Variants in PDZRN4 observed in about 807,000 individuals in gnomAD.
PDZRN4 encodes PDZ domain containing ring finger 4.
PDZRN4 carries 70 observed loss-of-function variants against 99.0 expected under a neutral mutation model. The ratio of observed to expected loss-of-function variants is 0.71; its 90% CI spans 0.58 to 0.86. The LOEUF (loss-of-function observed/expected upper bound fraction) is 0.86, where lower values mean the gene tolerates loss of function less well. Among genes scored for constraint, PDZRN4 ranks in the 40% least tolerant of loss-of-function variants. The pLI, the probability that PDZRN4 is intolerant of heterozygous loss-of-function variation, is 0.00. For missense variants in PDZRN4, 1,474 were observed against 1,331.2 expected, an observed-to-expected ratio of 1.11 and a Z score of -1.67; for synonymous variants, 551 against 501.6, an observed-to-expected ratio of 1.10 and a Z score of -1.32.
At chr12:41,374,367 G>A (rs1952064421) in intron 3 of PDZRN4, among the ~76,000 whole-genome samples, 1 of 152,118 alleles carries the variant, frequency 6.6e-6, no homozygotes, top group African/African-American at 2.4e-5. Flanking sequence ...CAGTCAGCAG[G>A]GATAGTGACA....
chr12:41,277,236 G>A (rs761984836), intron 3 of PDZRN4, among the ~76,000 whole-genome samples: 4 of 152,142 alleles, frequency 2.6e-5, no homozygotes, highest in South Asian at 4.1e-4. Flanking sequence ...GGCAGAGTAC[G>A]CAAGCATCTG....
chr12:41,257,608 GA>G (rs1258180893), intron 3 of PDZRN4, among the ~76,000 whole-genome samples: 1 of 152,184 alleles, frequency 6.6e-6, no homozygotes, highest in African/African-American at 2.4e-5. Context: ...TGGAAGTGCA[GA>G]AAGCCTTTGG....
chr12:41,220,161 C>T (rs745603143), intron 3 of PDZRN4, among the ~76,000 whole-genome samples: 2 of 152,104 alleles, frequency 1.3e-5, no homozygotes, highest in South Asian at 2.1e-4. Context: ...GTCCCATAGA[C>T]CGGGTAACTT....
intron 3 of PDZRN4, among the ~76,000 whole-genome samples, chr12:41,425,641 T>C (rs182656885): frequency 1.3e-5 from 2 of 152,280 alleles, no homozygotes; most frequent in East Asian, 1.9e-4. Flanking sequence ...AAAAAAAATA[T>C]GTCCACATTC....
rs71846165 is a variant in PDZRN4, at chr12:41,302,935, TACACAC to T, written c.843+108770_843+108775del. On this transcript the variant is annotated intron_variant, in intron 3 of 9. Transcript: ENST00000402685. ...CCTGATTTCATATATATATATAAAATACACACACACACACACACACACACACACTCA... is the reference window on the plus strand; with the variant it reads ...CCTGATTTCATATATATATATAAAATACACACACACACACACACACACTCA... Among the ~76,000 whole-genome samples, 67 of 127,220 alleles carry T rather than the reference TACACAC, an allele frequency of 5.3e-4. 1 individual carries two copies. The highest frequency in any genetic ancestry group is 6.7e-4 in the Admixed American group (8 of 11,904). 83.5% of individuals were successfully genotyped at this position (127,220 alleles called of 152,430 possible). A position where few individuals can be genotyped will look rare whatever the true frequency, so the allele number is the denominator to read the frequency against.
intron 5 of PDZRN4, among the ~76,000 whole-genome samples, chr12:41,514,792 G>A (rs986894143): frequency 1.3e-5 from 2 of 152,048 alleles, no homozygotes; most frequent in Admixed American, 6.6e-5. Context: ...TTTCCAGCAG[G>A]TATTTGTTCT....
chr12:41,403,483 T>A (rs537174670), intron 3 of PDZRN4, among the ~76,000 whole-genome samples: 1 of 152,282 alleles, frequency 6.6e-6, no homozygotes, highest in South Asian at 2.1e-4. Context: ...TGAAAAAGTG[T>A]TCCAGGTAAA....
At chr12:41,195,869 A>G (rs1950768139) in intron 3 of PDZRN4, among the ~76,000 whole-genome samples, 1 of 152,164 alleles carries the variant, frequency 6.6e-6, no homozygotes, top group African/African-American at 2.4e-5. Context: ...TTGTCCAGTT[A>G]CCAATGGAAA....
intron 5 of PDZRN4, among the ~76,000 whole-genome samples, chr12:41,536,288 A>G (rs1006902514): frequency 2.0e-5 from 3 of 152,254 alleles, no homozygotes; most frequent in Non-Finnish European, 4.4e-5. Flanking sequence ...ATGAAAAAAC[A>G]TGGAGCAAAC....
intron 3 of PDZRN4, among the ~76,000 whole-genome samples, chr12:41,242,783 G>T (rs564698402): frequency 8.0e-4 from 122 of 152,142 alleles, no homozygotes; most frequent in Non-Finnish European, 1.4e-3. Flanking sequence ...TTAACACGTT[G>T]GAGAGGATGG....
At chr12:41,377,034 C>G (rs1017288084) in intron 3 of PDZRN4, among the ~76,000 whole-genome samples, 1 of 152,122 alleles carries the variant, frequency 6.6e-6, no homozygotes, top group Non-Finnish European at 1.5e-5. Context: ...TACTAGTTGA[C>G]TATATATGCC....
chr12:41,285,933 T>C (rs1392039228), intron 3 of PDZRN4, among the ~76,000 whole-genome samples: 2 of 152,026 alleles, frequency 1.3e-5, no homozygotes, highest in East Asian at 1.9e-4. Flanking sequence ...CAAACCACCA[T>C]GGCACATGTA....
intron 3 of PDZRN4, among the ~76,000 whole-genome samples, chr12:41,415,077 A>G (rs2120389828): frequency 6.6e-6 from 1 of 152,256 alleles, no homozygotes; most frequent in Non-Finnish European, 1.5e-5. Flanking sequence ...GGAATTCAAT[A>G]CAGATTTAAA....
At chr12:41,554,464 T>C (rs571634582) in intron 6 of PDZRN4, among the ~76,000 whole-genome samples, 1 of 152,204 alleles carries the variant, frequency 6.6e-6, no homozygotes, top group Non-Finnish European at 1.5e-5. Flanking sequence ...TTATTCTTGA[T>C]TGATGATTTA....
At chr12:41,271,689 C>G (rs777312249) in intron 3 of PDZRN4, among the ~76,000 whole-genome samples, 39 of 152,130 alleles carry the variant, frequency 2.6e-4, no homozygotes, top group Non-Finnish European at 5.0e-4. Flanking sequence ...CTGCACTCCA[C>G]ATGCATTTGC....
At chr12:41,460,571 T>C (rs943616959) in intron 3 of PDZRN4, among the ~76,000 whole-genome samples, 2 of 152,240 alleles carry the variant, frequency 1.3e-5, no homozygotes, top group Admixed American at 1.3e-4. Flanking sequence ...ACTGGCTTAG[T>C]CTCCTTCCAA....
intron 4 of PDZRN4, chr12:41,509,576 C>T (rs542531412): frequency 6.6e-6 from 2 of 304,620 alleles, no homozygotes; most frequent in South Asian, 5.7e-5. Flanking sequence ...CAGAATACAA[C>T]TCTGACCATA....
chr12:41,479,645 G>A (rs1268297820), intron 3 of PDZRN4, among the ~76,000 whole-genome samples: 1 of 152,166 alleles, frequency 6.6e-6, no homozygotes, highest in East Asian at 1.9e-4. Context: ...TTCCTCTCTG[G>A]AAAGATGGTT....
At chr12:41,324,273 A>G (rs1951696870) in intron 3 of PDZRN4, among the ~76,000 whole-genome samples, 1 of 152,080 alleles carries the variant, frequency 6.6e-6, no homozygotes, top group South Asian at 2.1e-4. Context: ...ATACAAAAAA[A>G]AATATCTGTG....
Sources: gnomAD v4.1 joint callset for allele counts (sites outside exome capture counted in the v4.1 genomes callset) on GRCh38, gnomAD v4.1.1 for gene constraint, MANE v1.5 for transcripts, NCBI Gene and HGNC (gene_info 2026-07-23, HGNC 2026-07-21) for gene names.